The following DNAH11 variants were observed in gnomAD, a reference collection of about 807,000 sequenced individuals.
DNAH11 encodes the protein axonemal beta dynein heavy chain 11.
In DNAH11, 442 loss-of-function variants were observed where a neutral mutation model predicts 526.0. The ratio of observed to expected loss-of-function variants is 0.84; its 90% CI spans 0.78 to 0.91. DNAH11 has a LOEUF of 0.91. Ranked by LOEUF, DNAH11 falls within the 40% of genes least tolerant of loss-of-function variation. DNAH11 has a pLI of 0.00. For missense variants in DNAH11, 6,989 were observed against 5,448.7 expected, an observed-to-expected ratio of 1.28 and a Z score of -8.90; for synonymous variants, 2,461 against 1,935.9, an observed-to-expected ratio of 1.27 and a Z score of -7.12.
intron 8 of DNAH11, among the ~76,000 whole-genome samples, chr7:21,573,452 G>GAATTAACTA (rs1468928915): frequency 6.6e-6 from 1 of 152,004 alleles, no homozygotes; most frequent in Non-Finnish European, 1.5e-5. Flanking sequence ...ATTAAAACAT[G>GAATTAACTA]AATTAACTAA....
At chr7:21,740,542 T>C (rs1785834357) in intron 48 of DNAH11, among the ~76,000 whole-genome samples, 1 of 152,340 alleles carries the variant, frequency 6.6e-6, no homozygotes, top group East Asian at 1.9e-4. Flanking sequence ...AGTTACGGCA[T>C]ATTGCAGAAT....
chr7:21,688,173 T>G (rs1230716788), intron 34 of DNAH11, among the ~76,000 whole-genome samples: 1 of 152,218 alleles, frequency 6.6e-6, no homozygotes, highest in Non-Finnish European at 1.5e-5. Flanking sequence ...CACTGCATGA[T>G]ATACTTTCTT....
At position 21,620,965 on chromosome 7, in the gene DNAH11, C is replaced by T. The variant is rs563195302; in HGVS notation, c.4500+887C>T. Among the ~76,000 whole-genome samples, 194 of 152,104 alleles carry T rather than the reference C, an allele frequency of 1.3e-3. 3 individuals are homozygous for T. Among genetic ancestry groups the T allele is most frequent in the African/African-American group, 4.2e-3 (175 of 41,470 alleles). ...ACATTTGCTTAATCCAGTCTATCCTCGTTGGACATTTGGGTTGGTTCCAAG... is the reference window on the plus strand; with the variant it reads ...ACATTTGCTTAATCCAGTCTATCCTTGTTGGACATTTGGGTTGGTTCCAAG... On this transcript the variant is annotated intron_variant, in intron 25 of 81. Coordinates refer to ENST00000409508, the MANE Select transcript of DNAH11 (RefSeq NM_001277115.2).
At chr7:21,782,150 C>T (rs186420205) in intron 57 of DNAH11, among the ~76,000 whole-genome samples, 269 of 152,298 alleles carry the variant, frequency 1.8e-3, no homozygotes, top group African/African-American at 6.0e-3. Flanking sequence ...TTTATTCTCT[C>T]CCTGTGATCA....
chr7:21,693,952 C>T (rs553177667), intron 35 of DNAH11, among the ~76,000 whole-genome samples: 4 of 152,140 alleles, frequency 2.6e-5, no homozygotes, highest in Non-Finnish European at 4.4e-5. Context: ...AGAGAGAACA[C>T]GCGCGAGGTG....
chr7:21,732,199 G>T (rs1488472396), intron 45 of DNAH11, among the ~76,000 whole-genome samples: 1 of 152,140 alleles, frequency 6.6e-6, no homozygotes, highest in South Asian at 2.1e-4. Context: ...CAAGTTCAAG[G>T]TGTCAGCAAG....
chr7:21,775,352 C>A (rs1478139301), intron 56 of DNAH11, among the ~76,000 whole-genome samples: 2 of 152,166 alleles, frequency 1.3e-5, no homozygotes, highest in East Asian at 1.9e-4. Context: ...CACAGTGGCT[C>A]ACACCTTTAA....
At chr7:21,766,299 A>G (rs1026916053) in intron 55 of DNAH11, among the ~76,000 whole-genome samples, 2 of 152,196 alleles carry the variant, frequency 1.3e-5, no homozygotes, top group South Asian at 2.1e-4. Context: ...GATTTCCTGG[A>G]GATGAAGTTT....
In DNAH11 at chr7:21,842,707, G is replaced by C. The variant is rs1782260369; in HGVS notation, c.10855G>C (p.Glu3619Gln). 3.1e-6 allele frequency: 5 copies of C among 1,613,324 alleles called. No individual in the cohort carries two copies. The highest frequency in any genetic ancestry group is 4.5e-5 in the East Asian group (2 of 44,878). The change falls in exon 66 of 82, where the codon GAG becomes CAG. Residue 3619 changes from glutamate (E) to glutamine (Q), a missense_variant. Physicochemically the swap from Glu to Gln is conservative, Grantham distance 29. Transcript: ENST00000409508. ...TGGTCTAGAAGCCCAGCTGCTGGCA[G>C]AGGTTGTCAGTATTGAAAGGCCAGA... ...EDGLEAQLLA[E>Q]VVSIERPDLE...
Position 21,617,407 on chromosome 7 carries a change from T to C in DNAH11, c.4096-212T>C, listed in dbSNP as rs147788435. On this transcript the variant is annotated intron_variant, in intron 22 of 81. Transcript: ENST00000409508. ...TTAGATCTTGTGAATGAGAAAGCAG[T>C]GTATACAAGTGGCTTGTACGGAGTG... is the stretch of plus-strand genomic sequence containing the variant. 4.3e-3 allele frequency among the ~76,000 whole-genome samples: 656 copies of C among 152,332 alleles called. 4 individuals carry two copies. The highest frequency in any genetic ancestry group is 4.7e-3 in the Non-Finnish European group (320 of 68,030).
At chr7:21,617,598 T>C in intron 22 of DNAH11, 21 bp from the exon 23 acceptor site, 1 of 1,613,290 alleles carries the variant, frequency 6.2e-7, no homozygotes, top group Non-Finnish European at 8.5e-7. Flanking sequence ...GAGCTAGGTT[T>C]TTTCCTCCAC....
At chr7:21,564,140 A>G in intron 5 of DNAH11, 46 bp from the exon 6 acceptor site, 5 of 1,456,976 alleles carry the variant, frequency 3.4e-6, no homozygotes, top group Non-Finnish European at 3.7e-6. Flanking sequence ...TAGAAAAAAA[A>G]AAAAAACAAA....
chr7:21,741,093 AG>A (rs1785865461), intron 48 of DNAH11, among the ~76,000 whole-genome samples: 1 of 152,202 alleles, frequency 6.6e-6, no homozygotes, highest in Non-Finnish European at 1.5e-5. Context: ...AGTTATAAGA[AG>A]CCTCAATGTA....
Position 21,884,305 on chromosome 7 carries a change from T to A in DNAH11, c.12402T>A (p.Asp4134Glu). 6.2e-7 allele frequency: 1 copy of A among 1,607,844 alleles called. No homozygotes were observed. Among genetic ancestry groups the A allele is most frequent in the Non-Finnish European group, 8.5e-7 (1 of 1,177,394 alleles). The change falls in exon 76 of 82, where the codon GAT (aspartate) becomes GAA (glutamate). Residue 4134 changes from aspartate (D) to glutamate (E), a missense_variant. Coordinates refer to ENST00000409508, the MANE Select transcript of DNAH11 (RefSeq NM_001277115.2). ...TTTCTCCACAGGTCCCATGGGAAGA[T>A]CTCCGTTATCTCTTTGGTGAGATCA... ...LEANSKVPWE[D>E]LRYLFGEIMY... is the part of the protein sequence containing the mutation.
chr7:21,679,487 T>C (rs1239789782), intron 30 of DNAH11, among the ~76,000 whole-genome samples: 1 of 152,240 alleles, frequency 6.6e-6, no homozygotes, highest in East Asian at 1.9e-4. Flanking sequence ...TCACGTTGTA[T>C]ACCTTAAACG....
Position 21,787,690 on chromosome 7 carries a change from A to G in DNAH11, c.9924+107A>G, listed in dbSNP as rs890757227. 3 of 1,000,982 alleles carry G rather than the reference A, an allele frequency of 3.0e-6. No homozygotes were observed. The South Asian group carries it at 6.3e-5, about 21-fold the overall frequency. 62.0% of individuals were successfully genotyped at this position (1,000,982 alleles called of 1,614,324 possible). On this transcript the variant is annotated intron_variant, in intron 60 of 81. Transcript: ENST00000409508. ...TAAAATTTGTTATTTCATTTTCTGA[A>G]TAAGGATATGTAGTTCTAAGACTAA...
chr7:21,646,067 A>G (rs1245518981), intron 28 of DNAH11, among the ~76,000 whole-genome samples: 1 of 152,224 alleles, frequency 6.6e-6, no homozygotes, highest in Non-Finnish European at 1.5e-5. Context: ...TATATGGAAT[A>G]TATAAAGAAC....
At chr7:21,591,118 C>A in intron 13 of DNAH11, 67 bp from the exon 14 acceptor site, 1 of 1,481,044 alleles carries the variant, frequency 6.8e-7, no homozygotes, top group African/African-American at 1.4e-5. Flanking sequence ...GATATTTTTA[C>A]ACCTTTAAGA....
At chr7:21,800,090 C>G (rs1369266876) in intron 61 of DNAH11, among the ~76,000 whole-genome samples, 1 of 152,176 alleles carries the variant, frequency 6.6e-6, no homozygotes, top group Non-Finnish European at 1.5e-5. Flanking sequence ...CCCAAGAGAT[C>G]CAGGAAACAA....
Sources: allele counts gnomAD v4.1 joint callset (sites outside exome capture counted in the v4.1 genomes callset), GRCh38; gene constraint gnomAD v4.1.1; transcripts MANE v1.5; gene names NCBI Gene and HGNC (gene_info 2026-07-23, HGNC 2026-07-21).